The following MEF2C variants were observed in gnomAD, a reference collection of about 807,000 sequenced individuals.
MEF2C encodes myocyte enhancer factor 2C.
In MEF2C, 6 loss-of-function variants were observed where a neutral mutation model predicts 50.5. The observed-to-expected ratio is 0.12, with a 90% CI of 0.07 to 0.23. The LOEUF (loss-of-function observed/expected upper bound fraction) is 0.23. Among genes scored for constraint, MEF2C ranks in the 10% least tolerant of loss-of-function variants. MEF2C has a pLI of 1.00. For synonymous variants in MEF2C, 183 were observed against 228.0 expected, an observed-to-expected ratio of 0.80 and a Z score of 1.78; for missense variants, 276 against 605.0, an observed-to-expected ratio of 0.46 and a Z score of 5.70.
intron 1 of MEF2C, chr5:88,825,742 AATGGTATTTCCC>A: frequency 2.0e-6 from 1 of 490,584 alleles, no homozygotes; most frequent in Non-Finnish European, 2.6e-6. Context: ...AGTGTGTTAG[AATGGTATTTCCC>A]ATGCACGTTT....
intron 3 of MEF2C, among the ~76,000 whole-genome samples, chr5:88,764,806 T>TCA: frequency 2.3e-5 from 1 of 43,868 alleles, no homozygotes; most frequent in South Asian, 9.4e-4. Context: ...AGACTCCATC[T>TCA]CAAAAAAAAA....
At chr5:88,746,925 A>G (rs1769982128) in intron 6 of MEF2C, among the ~76,000 whole-genome samples, 1 of 152,202 alleles carries the variant, frequency 6.6e-6, no homozygotes, top group African/African-American at 2.4e-5. Context: ...CGTAGCTATA[A>G]TATGCAATCA....
intron 3 of MEF2C, chr5:88,772,791 T>C: frequency 6.1e-6 from 6 of 985,470 alleles, no homozygotes; most frequent in Non-Finnish European, 7.2e-6. Flanking sequence ...ATTTTCACTT[T>C]GGTTTTGGTT....
chr5:88,873,447 A>C (rs941852746), intron 1 of MEF2C, among the ~76,000 whole-genome samples: 1 of 152,068 alleles, frequency 6.6e-6, no homozygotes, highest in African/African-American at 2.4e-5. Context: ...GCAAGAAGGA[A>C]GCTCAGACAG....
At chr5:88,857,206 A>G (rs563421616) in intron 1 of MEF2C, among the ~76,000 whole-genome samples, 21 of 152,262 alleles carry the variant, frequency 1.4e-4, no homozygotes, top group East Asian at 9.6e-4. Flanking sequence ...GTCCTACTGG[A>G]TTTTGGGCTT....
chr5:88,768,767 C>G (rs1288604022), intron 3 of MEF2C: 7 of 798,728 alleles, frequency 8.8e-6, no homozygotes, highest in Non-Finnish European at 1.1e-5. Context: ...CCATTTATTA[C>G]TACCATTTCA....
At chr5:88,885,098 C>T (rs191143999), upstream of MEF2C, among the ~76,000 whole-genome samples, 705 of 152,306 alleles carry the variant, frequency 4.6e-3, 11 homozygotes, top group African/African-American at 0.016. Context: ...GATTTCCTCA[C>T]TTTAGAAAAT....
intron 1 of MEF2C, among the ~76,000 whole-genome samples, chr5:88,840,558 T>C (rs1395845047): frequency 1.3e-5 from 2 of 152,242 alleles, no homozygotes; most frequent in Non-Finnish European, 2.9e-5. Flanking sequence ...TTTTCACTTA[T>C]TTCAATTTTG....
chr5:88,807,844 T>C (rs1215461674), intron 2 of MEF2C, among the ~76,000 whole-genome samples: 2 of 152,214 alleles, frequency 1.3e-5, no homozygotes, highest in Non-Finnish European at 2.9e-5. Context: ...AAATAAGGCA[T>C]TTAGATATTT....
chr5:88,895,254 T>C (rs6888671), intron 1 of MEF2C, among the ~76,000 whole-genome samples: 6,158 of 152,304 alleles, frequency 0.04, 419 homozygotes, highest in African/African-American at 0.14. Flanking sequence ...TAAACATTTA[T>C]GGTCGTATGT....
chr5:88,843,679 C>T (rs1818249182), intron 1 of MEF2C, among the ~76,000 whole-genome samples: 1 of 151,810 alleles, frequency 6.6e-6, no homozygotes, highest in African/African-American at 2.4e-5. Context: ...TTCTCTAATC[C>T]AGAAAATTAT....
At chr5:88,892,998 A>T (rs554925739) in intron 1 of MEF2C, among the ~76,000 whole-genome samples, 2 of 152,194 alleles carry the variant, frequency 1.3e-5, no homozygotes, top group African/African-American at 4.8e-5. Flanking sequence ...TAGACATATG[A>T]TCAACACTAC....
intron 4 of MEF2C, among the ~76,000 whole-genome samples, chr5:88,758,899 G>T (rs1483810456): frequency 6.6e-6 from 1 of 152,104 alleles, no homozygotes; most frequent in Non-Finnish European, 1.5e-5. Context: ...ATCCTGTGAG[G>T]GAATACAGGT....
At chr5:88,831,313 T>C (rs933181941) in intron 1 of MEF2C, among the ~76,000 whole-genome samples, 7 of 151,982 alleles carry the variant, frequency 4.6e-5, no homozygotes, top group African/African-American at 1.7e-4. Context: ...TGAGTTGTCT[T>C]GAGTATTATC....
chr5:88,877,718 G>A (rs2150024132), intron 1 of MEF2C, among the ~76,000 whole-genome samples: 1 of 151,954 alleles, frequency 6.6e-6, no homozygotes, highest in Non-Finnish European at 1.5e-5. Flanking sequence ...TTCTTGATTT[G>A]AGCAAGACCA....
intron 1 of MEF2C, among the ~76,000 whole-genome samples, chr5:88,826,229 T>A (rs933913106): frequency 6.6e-6 from 1 of 152,008 alleles, no homozygotes; most frequent in Non-Finnish European, 1.5e-5. Context: ...TGTGTATGTA[T>A]CTATGTATAT....
intron 6 of MEF2C, chr5:88,742,994 T>C (rs1767568294): frequency 3.1e-6 from 3 of 974,038 alleles, no homozygotes; most frequent in Non-Finnish European, 3.7e-6. Flanking sequence ...AGTTATTTAC[T>C]TATGTTTTGG....
chr5:88,763,991 A>G (rs1022176605), intron 3 of MEF2C, among the ~76,000 whole-genome samples: 2 of 152,200 alleles, frequency 1.3e-5, no homozygotes, highest in Non-Finnish European at 1.5e-5. Context: ...AAAGCCTTCC[A>G]TAATGTTAAT....
At chr5:88,824,099 T>A in intron 1 of MEF2C, 169 bp from the exon 2 acceptor site, 1 of 872,974 alleles carries the variant, frequency 1.1e-6, no homozygotes, top group South Asian at 5.4e-5. Context: ...CAGGAGCAGA[T>A]CAAGTAGTTT....
Sources: gnomAD v4.1 joint callset for allele counts (sites outside exome capture counted in the v4.1 genomes callset) on GRCh38, gnomAD v4.1.1 for gene constraint, MANE v1.5 for transcripts, NCBI Gene and HGNC (gene_info 2026-07-23, HGNC 2026-07-21) for gene names.